OR8G1: variants seen among roughly 807,000 people sequenced by gnomAD.
OR8G1 encodes the protein olfactory receptor 8G1.
For synonymous variants in OR8G1, 129 were observed against 133.3 expected (o/e 0.97, Z 0.22); for missense variants, 372 against 356.2 (o/e 1.04, Z -0.36).
intron 1 of OR8G1, among the ~76,000 whole-genome samples, chr11:124,244,578 C>CA (rs67338915): frequency 6.6e-6 from 1 of 151,434 alleles, no homozygotes; most frequent in Non-Finnish European, 1.5e-5. Context: ...TTGGCTATGA[C>CA]AAAAAAAGTT....
Position 124,253,567 on chromosome 11 carries a change from T to A in OR8G1, c.*2956T>A, listed in dbSNP as rs2137753246. ...AATGCCTAAATTGAGCTAGTTAACA[T>A]ATATATTACCTAACATATTTATTTG... is the stretch of plus-strand genomic sequence containing the variant. On this transcript the variant is annotated 3_prime_UTR_variant, in exon 3 of 3. Transcript: ENST00000641972. 6.6e-6 allele frequency: 1 copy of A among 152,310 alleles called. No homozygotes were observed. The highest frequency in any genetic ancestry group is 2.4e-5 in the African/African-American group (1 of 41,564). 9.4% of individuals were successfully genotyped at this position (152,310 alleles called of 1,614,324 possible). A position where few individuals can be genotyped will look rare whatever the true frequency, so the allele number is the denominator to read the frequency against.
At chr11:124,241,610 C>T (rs10893187) in intron 1 of OR8G1, among the ~76,000 whole-genome samples, 77,621 of 151,820 alleles carry the variant, frequency 0.51, 20,468 homozygotes, top group South Asian at 0.7. Context: ...GTCTGGAAAT[C>T]AGAGTTTTTG....
chr11:124,249,106 C>T (rs756448037), intron 2 of OR8G1, among the ~76,000 whole-genome samples: 7 of 151,996 alleles, frequency 4.6e-5, no homozygotes, highest in Non-Finnish European at 7.4e-5. Context: ...TAACTGTGGG[C>T]CAGTCCAGCT....
At chr11:124,246,670 A>G (rs1450357086) in intron 1 of OR8G1, among the ~76,000 whole-genome samples, 1 of 151,822 alleles carries the variant, frequency 6.6e-6, no homozygotes, top group African/African-American at 2.4e-5. Context: ...TTAATGCATT[A>G]GATATAATTG....
chr11:124,247,869 C>T lies in OR8G1; in HGVS notation c.-28C>T, dbSNP rs1161312760. 1 of 151,822 alleles carries T rather than the reference C, an allele frequency of 6.6e-6. No individual in the cohort carries two copies. Among genetic ancestry groups the T allele is most frequent in the East Asian group, 1.9e-4 (1 of 5,182 alleles). 9.4% of individuals were successfully genotyped at this position (151,822 alleles called of 1,614,324 possible). On this transcript the variant is annotated 5_prime_UTR_variant, in exon 2 of 3. Transcript: ENST00000641972. ...AAATCTTCATGTAGACAAACGTTTA[C>T]ATTTTTCTTGGGTAAGTACTGAGGA...
At chr11:124,242,420 A>G (rs1162316985) in intron 1 of OR8G1, among the ~76,000 whole-genome samples, 2 of 152,086 alleles carry the variant, frequency 1.3e-5, no homozygotes, top group African/African-American at 4.8e-5. Flanking sequence ...TGGTCATATT[A>G]ATATGGCATA....
intron 1 of OR8G1, among the ~76,000 whole-genome samples, chr11:124,242,337 G>A (rs1029812102): frequency 1.3e-5 from 2 of 151,926 alleles, no homozygotes; most frequent in East Asian, 3.9e-4. Context: ...ATATCCATTG[G>A]AAAACGATGG....
intron 1 of OR8G1, among the ~76,000 whole-genome samples, chr11:124,246,619 GA>G (rs896745838): frequency 2.0e-5 from 3 of 150,290 alleles, no homozygotes; most frequent in Admixed American, 6.7e-5. Context: ...GTAAACAAGA[GA>G]AAAAAAACAC....
At chr11:124,249,166 A>G (rs1301806073) in intron 2 of OR8G1, among the ~76,000 whole-genome samples, 3 of 152,218 alleles carry the variant, frequency 2.0e-5, no homozygotes, top group Admixed American at 1.3e-4. Context: ...CATAGTAATA[A>G]TATTTTAAAA....
intron 1 of OR8G1, among the ~76,000 whole-genome samples, chr11:124,246,633 T>C (rs1404636729): frequency 2.0e-5 from 3 of 151,650 alleles, no homozygotes; most frequent in African/African-American, 4.8e-5. Flanking sequence ...AAAAACACTA[T>C]GCACAAGAAA....
At chr11:124,242,513 C>T (rs536963696) in intron 1 of OR8G1, among the ~76,000 whole-genome samples, 34 of 152,046 alleles carry the variant, frequency 2.2e-4, no homozygotes, top group African/African-American at 8.2e-4. Context: ...CTGTGAGAAC[C>T]CGAGGGCTAC....
intron 2 of OR8G1, 65 bp from the exon 3 acceptor site, chr11:124,249,595 G>A: frequency 2.7e-6 from 4 of 1,455,948 alleles, no homozygotes; most frequent in Non-Finnish European, 3.6e-6. Context: ...TTTTCTCAAT[G>A]AAGAATAATA....
chr11:124,245,299 A>G (rs570093730), intron 1 of OR8G1, among the ~76,000 whole-genome samples: 12 of 147,220 alleles, frequency 8.2e-5, no homozygotes, highest in Non-Finnish European at 1.5e-4. Context: ...TTTACTAAGA[A>G]TGATGATTTC....
intron 2 of OR8G1, among the ~76,000 whole-genome samples, chr11:124,248,339 A>T (rs1861832456): frequency 6.6e-6 from 1 of 151,664 alleles, no homozygotes; most frequent in Non-Finnish European, 1.5e-5. Context: ...AATTTTGATG[A>T]CATACAAATT....
Position 124,253,656 on chromosome 11 carries a change from A to AGATC in OR8G1, c.*3046_*3047insATCG, listed in dbSNP as rs34410153. 1 of 151,452 alleles carries AGATC rather than the reference A, an allele frequency of 6.6e-6. No homozygotes were observed. Among genetic ancestry groups the AGATC allele is most frequent in the Admixed American group, 6.6e-5 (1 of 15,200 alleles). 9.4% of individuals were successfully genotyped at this position (151,452 alleles called of 1,614,324 possible). A position where few individuals can be genotyped will look rare whatever the true frequency, so the allele number is the denominator to read the frequency against. On this transcript the variant is annotated 3_prime_UTR_variant, in exon 3 of 3. Coordinates refer to ENST00000641972, the MANE Select transcript of OR8G1 (RefSeq NM_001002905.2). Reference sequence around the variant, plus strand: ...TTACTATAGTTACCATTTATACAATAGTTTTTAACTTATTCCTTCTATCTA... The same window carrying AGATC: ...TTACTATAGTTACCATTTATACAATAGATCGTTTTTAACTTATTCCTTCTATCTA...
chr11:124,252,070 CT>C lies in OR8G1; in HGVS notation c.*1463del, dbSNP rs1341968619. On this transcript the variant is annotated 3_prime_UTR_variant, in exon 3 of 3. Coordinates refer to ENST00000641972, the MANE Select transcript of OR8G1 (RefSeq NM_001002905.2). ...ATATCGAAACTATAGTTTGTCCATC[CT>C]TTTAGTTGAAGGGAGTGTAGGTGAA... 6.6e-6 allele frequency: 1 copy of C among 152,064 alleles called. No homozygotes were observed. The highest frequency in any genetic ancestry group is 1.5e-5 in the Non-Finnish European group (1 of 68,024). 9.4% of individuals were successfully genotyped at this position (152,064 alleles called of 1,614,324 possible).
In OR8G1 at chr11:124,249,723, G is replaced by T. The variant is rs1565316416; in HGVS notation, c.48G>T (p.Gly16=). 6.2e-7 allele frequency: 1 copy of T among 1,613,524 alleles called. No individual in the cohort carries two copies. Among genetic ancestry groups the T allele is most frequent in the Non-Finnish European group, 8.5e-7 (1 of 1,179,718 alleles). Residue 16 remains glycine, a synonymous_variant, in exon 3 of 3, where the codon GGG becomes GGT. Coordinates refer to ENST00000641972, the MANE Select transcript of OR8G1 (RefSeq NM_001002905.2). ...CAGTGACTGAGTTCATTCTGGCTGG[G>T]CTCTCAGAACAGCCAGAGCTCCAGC... ...NSSVTEFILA[G]LSEQPELQLP...
intron 1 of OR8G1, among the ~76,000 whole-genome samples, chr11:124,245,242 C>T (rs1276083997): frequency 4.4e-4 from 63 of 144,618 alleles, no homozygotes; most frequent in African/African-American, 1.5e-3. Context: ...TCAATTCCCA[C>T]CTATGAGTGA....
Position 124,250,517 on chromosome 11 carries a change from TTG to T in OR8G1, c.845_846del (p.Val282AlafsTer9). 6.2e-7 allele frequency: 1 copy of T among 1,613,392 alleles called. No individual in the cohort carries two copies. The highest frequency in any genetic ancestry group is 2.2e-5 in the East Asian group (1 of 44,868). ...GTATCCTCTGTGTTTTATACTATTA[TTG>T]TGCCCATGTTGAACCCTCTGATTTA... On this transcript the variant is annotated frameshift_variant, in exon 3 of 3. Transcript: ENST00000641972. LOFTEE classifies it low-confidence loss of function (END_TRUNC).
Sources: gnomAD v4.1 joint callset for allele counts (sites outside exome capture counted in the v4.1 genomes callset) on GRCh38, gnomAD v4.1.1 for gene constraint, MANE v1.5 for transcripts, NCBI Gene and HGNC (gene_info 2026-07-23, HGNC 2026-07-21) for gene names.